NPM1: variants seen among roughly 807,000 people sequenced by gnomAD.
NPM1 encodes nucleophosmin 1, also known as nucleophosmin.
NPM1 carries 1 observed loss-of-function variant against 44.1 expected under a neutral mutation model. The observed-to-expected ratio is 0.02, with a 90% CI of 0.01 to 0.11. The LOEUF (loss-of-function observed/expected upper bound fraction) is 0.11. Ranked by LOEUF, NPM1 falls within the 10% of genes least tolerant of loss-of-function variation. NPM1 has a pLI of 1.00. For synonymous variants in NPM1, 126 were observed against 111.8 expected (o/e 1.13, Z -0.80); for missense variants, 197 against 347.8 (o/e 0.57, Z 3.45).
chr5:171,391,957 C>CGGG (rs774002661), intron 4 of NPM1, among the ~76,000 whole-genome samples, 158 bp downstream of exon 4: 2 of 122,674 alleles, frequency 1.6e-5, no homozygotes, highest in Admixed American at 8.6e-5. Flanking sequence ...ATTTTTGGGG[C>CGGG]GGGGGGGAGA....
chr5:171,410,053 C>T (rs1771748373), intron 10 of NPM1, among the ~76,000 whole-genome samples: 1 of 152,204 alleles, frequency 6.6e-6, no homozygotes, highest in Non-Finnish European at 1.5e-5. Context: ...GCCTCAGTCT[C>T]CCAAAGTGTA....
intron 1 of NPM1, among the ~76,000 whole-genome samples, chr5:171,389,714 G>A (rs1268141084): frequency 6.6e-6 from 1 of 152,136 alleles, no homozygotes; most frequent in Non-Finnish European, 1.5e-5. Context: ...TTTAAATAGT[G>A]GGAAACTTAA....
chr5:171,408,814 C>T (rs1403282995), intron 10 of NPM1, among the ~76,000 whole-genome samples: 1 of 152,064 alleles, frequency 6.6e-6, no homozygotes, highest in Non-Finnish European at 1.5e-5. Flanking sequence ...CATAAATAAC[C>T]AGCATGTACT....
At chr5:171,394,114 T>C (rs1164450769) in intron 6 of NPM1, among the ~76,000 whole-genome samples, 1 of 145,178 alleles carries the variant, frequency 6.9e-6, no homozygotes, top group Admixed American at 7.1e-5. Flanking sequence ...CCATCTCGGC[T>C]CACCACAACC....
intron 6 of NPM1, among the ~76,000 whole-genome samples, chr5:171,398,799 C>T (rs1245334581): frequency 6.6e-6 from 1 of 152,184 alleles, no homozygotes; most frequent in Non-Finnish European, 1.5e-5. Flanking sequence ...TGTTTCTGGA[C>T]TGTTCTGTTG....
intron 6 of NPM1, among the ~76,000 whole-genome samples, chr5:171,396,723 G>C (rs534985506): frequency 1.3e-5 from 2 of 152,258 alleles, no homozygotes; most frequent in African/African-American, 4.8e-5. Context: ...GTTCACACCT[G>C]TAATCCCAGC....
At chr5:171,402,053 CTT>C (rs34648553) in intron 8 of NPM1, among the ~76,000 whole-genome samples, 59 of 133,524 alleles carry the variant, frequency 4.4e-4, no homozygotes, top group East Asian at 6.6e-4. Flanking sequence ...TTCTGATTTC[CTT>C]TTTTTTTTTT....
intron 2 of NPM1, 142 bp downstream of exon 2, chr5:171,390,272 ACTGT>A (rs748330194): frequency 8.4e-5 from 43 of 513,860 alleles, no homozygotes; most frequent in African/African-American, 4.8e-4. Flanking sequence ...TGTGTACCTC[ACTGT>A]CTGTACATCT....
chr5:171,399,792 A>G (rs1377076808), intron 6 of NPM1, among the ~76,000 whole-genome samples: 1 of 151,970 alleles, frequency 6.6e-6, no homozygotes. Context: ...ATGCAAAACT[A>G]CTCATTGAGC....
chr5:171,399,608 A>G (rs949728035), intron 6 of NPM1, among the ~76,000 whole-genome samples: 1 of 152,086 alleles, frequency 6.6e-6, no homozygotes, highest in African/African-American at 2.4e-5. Flanking sequence ...TAACGATTGT[A>G]TTTAACCTGT....
At position 171,410,775 on chromosome 5, in the gene NPM1, G is replaced by A. The variant is rs961823821; in HGVS notation, c.*210G>A. The A allele has an allele frequency of 1.0e-5, 5 of 485,762 alleles. No individual in the cohort carries two copies. In the East Asian group the frequency reaches 1.6e-4, roughly 16 times the overall value. 30.1% of individuals were successfully genotyped at this position (485,762 alleles called of 1,614,324 possible). ...AACTCCACCCTTTGCTTGGTTTTAA[G>A]TATGTATGGAATGTTATGATAGGAC... is the stretch of plus-strand genomic sequence containing the variant. On this transcript the variant is annotated 3_prime_UTR_variant, in exon 11 of 11. Transcript: ENST00000296930.
rs1039336957 is a variant in NPM1, at chr5:171,410,879, A to G, written c.*314A>G. The G allele has an allele frequency of 1.5e-5, 4 of 270,148 alleles. No individual in the cohort carries two copies. In the East Asian group the frequency reaches 2.2e-4, roughly 15 times the overall value. 16.7% of individuals were successfully genotyped at this position (270,148 alleles called of 1,614,324 possible). ...GTGAAATAAAACTCAGTATTTTAAT[A>G]AAGTAGCACGGTTTCTATTGACTTA... On this transcript the variant is annotated 3_prime_UTR_variant, in exon 11 of 11. Coordinates refer to ENST00000296930, the MANE Select transcript of NPM1 (RefSeq NM_002520.7).
rs1391170272 is a variant in NPM1 at position 171,387,916 on chromosome 5, C to T, written c.-33C>T. ...GCAGCGTTCTTTTATCTCCGTCCGC[C>T]TTCTCTCCTACCTAAGTGCGTGCCG... On this transcript the variant is annotated 5_prime_UTR_variant, in exon 1 of 11. Transcript: ENST00000296930. 7.5e-6 allele frequency: 12 copies of T among 1,603,748 alleles called. No homozygotes were observed. Among genetic ancestry groups the T allele is most frequent in the South Asian group, 2.2e-5 (2 of 90,816 alleles).
chr5:171,395,542 C>T (rs996562346), intron 6 of NPM1, among the ~76,000 whole-genome samples: 1 of 152,144 alleles, frequency 6.6e-6, no homozygotes, highest in Non-Finnish European at 1.5e-5. Context: ...GCTGGGATTA[C>T]AGGCGTGAGC....
At chr5:171,407,227 C>T (rs911904878) in intron 9 of NPM1, 1 of 158,204 alleles carries the variant, frequency 6.3e-6, no homozygotes, top group African/African-American at 2.4e-5. Flanking sequence ...ATATCTTTAA[C>T]TGATGACCAG....
chr5:171,395,737 TTAGAAATC>T (rs1218536188), intron 6 of NPM1, among the ~76,000 whole-genome samples: 7 of 152,304 alleles, frequency 4.6e-5, no homozygotes, highest in Admixed American at 4.6e-4. Context: ...TTATAGTTAC[TTAGAAATC>T]TAACCTTTTG....
In NPM1 at chr5:171,410,574, T is replaced by C. The variant is rs773366496; in HGVS notation, c.*9T>C. On this transcript the variant is annotated 3_prime_UTR_variant, in exon 11 of 11. Coordinates refer to ENST00000296930, the MANE Select transcript of NPM1 (RefSeq NM_002520.7). ...GGAGGAAGTCTCTTTAAGAAAATAG[T>C]TTAAACAATTTGTTAAAAAATTTTC... The C allele has an allele frequency of 1.3e-6, 2 of 1,521,300 alleles. No individual in the cohort carries two copies. The highest frequency in any genetic ancestry group is 4.5e-5 in the East Asian group (2 of 44,286). The allele number at this position is 1,521,300 out of a possible 1,614,324, so 94.2% of individuals were successfully genotyped here.
chr5:171,403,378 C>G (rs1340457459), intron 8 of NPM1, among the ~76,000 whole-genome samples: 4 of 101,114 alleles, frequency 4.0e-5, no homozygotes, highest in Admixed American at 3.9e-4. Flanking sequence ...TAGTGCAGAA[C>G]AAAATGAAAA....
At chr5:171,407,919 T>C in intron 10 of NPM1, 145 bp downstream of exon 10, 1 of 606,526 alleles carries the variant, frequency 1.6e-6, no homozygotes. Context: ...ACCTGAAAAC[T>C]CATGTATTTA....
Sources: allele counts gnomAD v4.1 joint callset (sites outside exome capture counted in the v4.1 genomes callset), GRCh38; gene constraint gnomAD v4.1.1; transcripts MANE v1.5; gene names NCBI Gene and HGNC (gene_info 2026-07-23, HGNC 2026-07-21).